The following WNT10A variants were observed in gnomAD, a reference collection of about 807,000 sequenced individuals.
WNT10A encodes Wnt family member 10A, also known as protein Wnt-10a.
WNT10A carries 37 observed loss-of-function variants against 36.1 expected under a neutral mutation model. The observed-to-expected ratio is 1.02, with a 90% CI of 0.79 to 1.35. The LOEUF (loss-of-function observed/expected upper bound fraction) is 1.35, where lower values mean the gene tolerates loss of function less well. Ranked by LOEUF, WNT10A falls within the 40% of genes most tolerant of loss-of-function variation. WNT10A has a pLI of 0.00. For synonymous variants in WNT10A, 255 were observed against 254.1 expected (o/e 1.00, Z -0.03); for missense variants, 613 against 601.4 (o/e 1.02, Z -0.20).
rs1306584103 is a variant in WNT10A at position 218,890,234 on chromosome 2, G to A, written c.627G>A (p.Trp209Ter). 3 of 1,613,728 alleles carry A rather than the reference G, an allele frequency of 1.9e-6. No homozygotes were observed. Among genetic ancestry groups the A allele is most frequent in the South Asian group, 1.1e-5 (1 of 91,086 alleles). The change falls in exon 3 of 4, where the codon TGG becomes TGA. Residue 209 changes from tryptophan to a stop codon, truncating the protein, a stop_gained. Coordinates refer to ENST00000258411, the MANE Select transcript of WNT10A (RefSeq NM_025216.3). LOFTEE classifies it high-confidence loss of function. Reference protein sequence around the residue: ...PTASPGLQDSWEWGGCSPDMG... With the variant: ...PTASPGLQDS The stretch of plus-strand genomic sequence containing the variant: ...CCAGCCCAGGCCTGCAGGACTCCTG[G>A]GAGTGGGGCGGCTGCAGCCCCGACA...
chr2:218,889,912 G>A lies in WNT10A; in HGVS notation c.377-72G>A, dbSNP rs554275757. On this transcript the variant is annotated intron_variant, in intron 2 of 3. Transcript: ENST00000258411. ...GGCTTCAGTTTCTCCTTGGAATGAT[G>A]AGAAAGGTGGGCTGGAGAATGGGGT... The A allele has an allele frequency of 3.1e-6, 5 of 1,606,668 alleles. No individual in the cohort carries two copies. The African/African-American group carries it at 6.7e-5, about 21-fold the overall frequency.
chr2:218,892,660 C>T, intron 3 of WNT10A, 114 bp from the exon 4 acceptor site: 1 of 1,485,956 alleles, frequency 6.7e-7, no homozygotes. Flanking sequence ...CGCTCCCGGC[C>T]TCAGCGTTTG....
intron 1 of WNT10A, among the ~76,000 whole-genome samples, chr2:218,881,575 A>G (rs1362739634): frequency 3.5e-5 from 5 of 142,822 alleles, no homozygotes; most frequent in East Asian, 2.0e-4. Flanking sequence ...TGTGTTTTCA[A>G]TCGAGCCCAG....
chr2:218,881,072 T>C lies in WNT10A; in HGVS notation c.77T>C (p.Leu26Pro). 5 of 1,605,756 alleles carry C rather than the reference T, an allele frequency of 3.1e-6. No individual in the cohort carries two copies. Among genetic ancestry groups the C allele is most frequent in the Non-Finnish European group, 4.2e-6 (5 of 1,176,492 alleles). Residue 26 changes from leucine (L) to proline (P), a missense_variant, in exon 1 of 4, where the codon CTG (leucine) becomes CCG (proline). By Grantham distance (98) the Leu-to-Pro change is moderately conservative. Transcript: ENST00000258411. ...PQPRPALWVL[L>P]FFLLLLAAAM... ...CCGCGGCCAGCGCTCTGGGTGCTCC[T>C]GTTCTTCCTACTGCTGCTGGCTGCT...
chr2:218,890,840 G>T (rs1944642868), intron 3 of WNT10A, among the ~76,000 whole-genome samples: 1 of 152,178 alleles, frequency 6.6e-6, no homozygotes, highest in African/African-American at 2.4e-5. Flanking sequence ...AAAGTAAGGG[G>T]TGTAAGTGAA....
the WNT10A span, among the ~76,000 whole-genome samples, chr2:218,874,778 GC>G: frequency 6.6e-6 from 1 of 152,222 alleles, no homozygotes; most frequent in Non-Finnish European, 1.5e-5. Context: ...TGCAGTTGGT[GC>G]TGCTGCTTAG....
chr2:218,885,257 G>A (rs909531031), intron 2 of WNT10A, among the ~76,000 whole-genome samples: 13 of 152,242 alleles, frequency 8.5e-5, no homozygotes, highest in Admixed American at 6.5e-5. Flanking sequence ...CATGCTAGCT[G>A]CTTCACCTAG....
In WNT10A at chr2:218,892,835, T is replaced by C; in HGVS notation, c.818T>C (p.Leu273Pro). 1 of 1,595,618 alleles carries C rather than the reference T, an allele frequency of 6.3e-7. No homozygotes were observed. Among genetic ancestry groups the C allele is most frequent in the Non-Finnish European group, 8.5e-7 (1 of 1,172,558 alleles). ...KCHGTSGSCQ[L>P]KTCWQVTPEF... ...CACGGCACGTCAGGCAGCTGCCAGC[T>C]CAAGACGTGCTGGCAGGTGACGCCC... Residue 273 changes from leucine (L) to proline (P), a missense_variant, in exon 4 of 4, where the codon CTC becomes CCC. Physicochemically the swap from Leu to Pro is moderately conservative, Grantham distance 98. Coordinates refer to ENST00000258411, the MANE Select transcript of WNT10A (RefSeq NM_025216.3).
chr2:218,886,680 C>A (rs1230683076), intron 2 of WNT10A, among the ~76,000 whole-genome samples: 4 of 136,430 alleles, frequency 2.9e-5, no homozygotes, highest in Non-Finnish European at 6.3e-5. Flanking sequence ...CTGGCCATGG[C>A]CCCACCCGCT....
chr2:218,890,868 G>A (rs1299556943), intron 3 of WNT10A, among the ~76,000 whole-genome samples: 2 of 152,176 alleles, frequency 1.3e-5, no homozygotes, highest in Non-Finnish European at 1.5e-5. Flanking sequence ...GGGGCCACTG[G>A]GGAACTGTGT....
In WNT10A at chr2:218,882,148, C is replaced by T. The variant is rs2106011452; in HGVS notation, c.114-13C>T. 1 of 1,613,512 alleles carries T rather than the reference C, an allele frequency of 6.2e-7. No individual in the cohort carries two copies. The highest frequency in any genetic ancestry group is 8.5e-7 in the Non-Finnish European group (1 of 1,179,576). ...CCCAAAACACGTACCCACTCCACCCCATATGTCTGCAGGTCAGCACCCAAT... is the reference window on the plus strand; with the variant it reads ...CCCAAAACACGTACCCACTCCACCCTATATGTCTGCAGGTCAGCACCCAAT... On this transcript the variant is annotated splice_polypyrimidine_tract_variant and intron_variant, in intron 1 of 3. Coordinates refer to ENST00000258411, the MANE Select transcript of WNT10A (RefSeq NM_025216.3).
intron 3 of WNT10A, among the ~76,000 whole-genome samples, chr2:218,892,303 CCACACACACACACACACACACACA>C (rs60385784): frequency 2.0e-4 from 20 of 100,948 alleles, no homozygotes; most frequent in Middle Eastern, 4.3e-3. Flanking sequence ...ACCCACCCCA[CCACACACACACACACACACACACA>C]CACACACACA....
intron 1 of WNT10A, 28 bp downstream of exon 1, chr2:218,881,136 C>T: frequency 6.4e-7 from 1 of 1,568,858 alleles, no homozygotes; most frequent in Admixed American, 1.9e-5. Context: ...GCTCCGCCCT[C>T]CTAGAGAGTT....
rs1332945612 is a variant in WNT10A at position 218,892,847 on chromosome 2, G to A, written c.830G>A (p.Trp277Ter). The change falls in exon 4 of 4, where the codon TGG (tryptophan) becomes TAG (stop). Residue 277 changes from tryptophan (W) to a stop codon, truncating the protein, a stop_gained. Coordinates refer to ENST00000258411, the MANE Select transcript of WNT10A (RefSeq NM_025216.3). LOFTEE classifies it high-confidence loss of function. ...GGCAGCTGCCAGCTCAAGACGTGCT[G>A]GCAGGTGACGCCCGAGTTCCGCACC... ...TSGSCQLKTC[W>*]QVTPEFRTVG... 1 of 1,590,184 alleles carries A rather than the reference G, an allele frequency of 6.3e-7. No homozygotes were observed. The highest frequency in any genetic ancestry group is 8.5e-7 in the Non-Finnish European group (1 of 1,170,086).
chr2:218,882,088 G>C (rs772735993), intron 1 of WNT10A, 73 bp from the exon 2 acceptor site: 4 of 1,561,210 alleles, frequency 2.6e-6, no homozygotes, highest in Admixed American at 1.7e-5. Context: ...CGTTGGGACA[G>C]AGTGTGTGTT....
At chr2:218,879,845 G>A (rs529604780), upstream of WNT10A, among the ~76,000 whole-genome samples, 45 of 152,228 alleles carry the variant, frequency 3.0e-4, no homozygotes, top group Middle Eastern at 3.4e-3. Flanking sequence ...CTATCTCAAC[G>A]GCCACTTCTA....
At chr2:218,880,782 T>C (rs947214234), upstream of WNT10A, 12 of 496,018 alleles carry the variant, frequency 2.4e-5, no homozygotes, top group Non-Finnish European at 4.2e-5. The surrounding 1 kb of genome is among the most constrained non-coding windows in gnomAD (Gnocchi z 7.7). Context: ...GTTCGCCCGC[T>C]CTTCACCCCC....
At chr2:218,877,877 A>G (rs1944466552), upstream of WNT10A, among the ~76,000 whole-genome samples, 1 of 152,196 alleles carries the variant, frequency 6.6e-6, no homozygotes, top group Admixed American at 6.5e-5. This position sits in a 1 kb window ranked among gnomAD's most constrained non-coding sequence, Gnocchi z 4.1. Context: ...GTTCTTCTTC[A>G]GCAAGACAAA....
At chr2:218,884,318 C>T (rs945301105) in intron 2 of WNT10A, 1 of 140,068 alleles carries the variant, frequency 7.1e-6, no homozygotes, top group East Asian at 2.1e-4. Flanking sequence ...GTTTAATAAG[C>T]TCGAGGTGAG....
Sources: gnomAD v4.1 joint callset for allele counts (sites outside exome capture counted in the v4.1 genomes callset) on GRCh38, gnomAD v4.1.1 for gene constraint, Gnocchi (gnomAD v3.1) non-coding constraint, MANE v1.5 for transcripts, NCBI Gene and HGNC (gene_info 2026-07-23, HGNC 2026-07-21) for gene names.